Variants in MST1R observed in about 807,000 individuals in gnomAD.
MST1R encodes macrophage-stimulating protein receptor.
In MST1R, 99 loss-of-function variants were observed where a neutral mutation model predicts 117.8. The ratio of observed to expected loss-of-function variants is 0.84; its 90% CI spans 0.71 to 0.99. MST1R has a LOEUF of 0.99. Among genes scored for constraint, MST1R ranks in the 50% least tolerant of loss-of-function variants. The pLI is 0.00. For synonymous variants in MST1R, 734 were observed against 765.3 expected (o/e 0.96, Z 0.68); for missense variants, 1,683 against 1,840.2 (o/e 0.91, Z 1.56).
In MST1R at chr3:49,887,012, A is replaced by C. The variant is rs1318348966; in HGVS notation, c.*295T>G. 2.4e-5 allele frequency: 11 copies of C among 466,266 alleles called. No homozygotes were observed. The East Asian group carries it at 4.1e-4, about 17-fold the overall frequency. 28.9% of individuals were successfully genotyped at this position (466,266 alleles called of 1,614,324 possible). A position where few individuals can be genotyped will look rare whatever the true frequency, so the allele number is the denominator to read the frequency against. The stretch of plus-strand genomic sequence containing the variant: ...CACTGTTTGCTACAATTTGTGCTTT[A>C]ATAGTCATTTGTTCCTTTATTGGTT... On this transcript the variant is annotated 3_prime_UTR_variant, in exon 20 of 20. Transcript: ENST00000296474.
At chr3:49,889,407 A>C (rs1418758716) in intron 19 of MST1R, among the ~76,000 whole-genome samples, 3 of 152,178 alleles carry the variant, frequency 2.0e-5, no homozygotes, top group African/African-American at 7.2e-5. Context: ...CTAACCCAGC[A>C]GACCTAGCCA....
Position 49,895,869 on chromosome 3 carries a change from A to G in MST1R, c.2808T>C (p.Asp936=). The change falls in exon 12 of 20, where the codon GAT becomes GAC. Residue 936 remains aspartate (D), a synonymous_variant. Coordinates refer to ENST00000296474, the MANE Select transcript of MST1R (RefSeq NM_002447.4). ...QDGAPLQVCV[D]GECHILGRVV... ...CTCTACCCAGGATATGACATTCACC[A>G]TCTACGCAGACCTGGGGGCAGGTGG... The G allele has an allele frequency of 6.2e-7, 1 of 1,605,344 alleles. No individual in the cohort carries two copies. Among genetic ancestry groups the G allele is most frequent in the Non-Finnish European group, 8.5e-7 (1 of 1,175,174 alleles).
chr3:49,902,951 C>CTGTCTATCAGGCTCA lies in MST1R; in HGVS notation c.658_659insTGAGCCTGATAGACA (p.Arg220delinsLeuSerLeuIleAspSer), dbSNP rs781414002. On this transcript the variant is annotated protein_altering_variant, in exon 1 of 20. Coordinates refer to ENST00000296474, the MANE Select transcript of MST1R (RefSeq NM_002447.4). ...GAATCCCGAGGCGTCAGCCTTGAGA[C>CTGTCTATCAGGCTCA]GCCTGATAGACACTGAGCGTGGGCT... The CTGTCTATCAGGCTCA allele has an allele frequency of 4.6e-5, 75 of 1,613,324 alleles. No homozygotes were observed. Among genetic ancestry groups the CTGTCTATCAGGCTCA allele is most frequent in the South Asian group, 4.6e-4 (42 of 91,090 alleles).
At position 49,896,206 on chromosome 3, in the gene MST1R, T is replaced by C. The variant is rs747609308; in HGVS notation, c.2638A>G (p.Ile880Val). 6.2e-7 allele frequency: 1 copy of C among 1,614,096 alleles called. No homozygotes were observed. The highest frequency in any genetic ancestry group is 1.1e-5 in the South Asian group (1 of 91,078). The change falls in exon 10 of 20, where the codon ATT becomes GTT. Residue 880 changes from isoleucine (I) to valine (V), a missense_variant. Coordinates refer to ENST00000296474, the MANE Select transcript of MST1R (RefSeq NM_002447.4). ...TCCCTTACACTTACCTCAAACTTAA[T>C]GGCATGCTCCTCAGGCTTCAGTGGA... ...LVPLKPEEHA[I>V]KFEYIGLGAV...
chr3:49,887,858 G>A (rs1026336957), intron 19 of MST1R, among the ~76,000 whole-genome samples: 1 of 152,236 alleles, frequency 6.6e-6, no homozygotes, highest in African/African-American at 2.4e-5. Flanking sequence ...TGTGCCTCTG[G>A]GTCCTCCTCT....
At chr3:49,900,177 T>C (rs1575449966) in intron 1 of MST1R, among the ~76,000 whole-genome samples, 3 of 152,308 alleles carry the variant, frequency 2.0e-5, no homozygotes, top group African/African-American at 4.8e-5. Flanking sequence ...CTGCTTCCTA[T>C]ACCCCCCTTC....
At chr3:49,899,353 A>G (rs1168175382) in intron 1 of MST1R, 90 bp from the exon 2 acceptor site, 9 of 1,399,274 alleles carry the variant, frequency 6.4e-6, no homozygotes, top group African/African-American at 1.4e-5. Context: ...GCAGCCCAAC[A>G]CTCTCACCCC....
chr3:49,894,990 T>C (rs1247203845), intron 14 of MST1R, among the ~76,000 whole-genome samples, 177 bp downstream of exon 14: 1 of 152,150 alleles, frequency 6.6e-6, no homozygotes, highest in East Asian at 1.9e-4. Context: ...TTTTTGTATT[T>C]TTAGTAGAGA....
rs779691360 is a variant in MST1R, at chr3:49,903,517, G to T, written c.93C>A (p.Arg31=). 6.2e-7 allele frequency: 1 copy of T among 1,608,006 alleles called. No homozygotes were observed. The highest frequency in any genetic ancestry group is 1.1e-5 in the South Asian group (1 of 91,064). ...PAAGEDWQCP[R]TPYAASRDFD... ...AGTCGCGAGAGGCCGCGTAGGGGGT[G>T]CGCGGGCACTGCCAGTCCTCGCCCG... Residue 31 remains arginine (R), a synonymous_variant, in exon 1 of 20, where the codon CGC becomes CGA. Coordinates refer to ENST00000296474, the MANE Select transcript of MST1R (RefSeq NM_002447.4).
At position 49,896,419 on chromosome 3, in the gene MST1R, A is replaced by G. The variant is rs1476088767; in HGVS notation, c.2440-15T>C. 1.9e-6 allele frequency: 3 copies of G among 1,609,198 alleles called. No homozygotes were observed. Among genetic ancestry groups the G allele is most frequent in the Admixed American group, 1.7e-5 (1 of 59,916 alleles). ...TGCCTCTCACACTGCTGGGACCAAT[A>G]TGAGAGTGATTAGCCAGGAACCCCA... On this transcript the variant is annotated splice_polypyrimidine_tract_variant and intron_variant, in intron 9 of 19. Coordinates refer to ENST00000296474, the MANE Select transcript of MST1R (RefSeq NM_002447.4).
At chr3:49,891,967 T>TTTTA (rs778589497) in intron 14 of MST1R, 129 bp from the exon 15 acceptor site, 1 of 659,778 alleles carries the variant, frequency 1.5e-6, no homozygotes, top group Admixed American at 3.2e-5. Context: ...TATTTTTAAT[T>TTTTA]TTTATTTATT....
In MST1R at chr3:49,887,339, G is replaced by A. The variant is rs533872004; in HGVS notation, c.4171C>T (p.Arg1391Trp). 73 of 1,614,136 alleles carry A rather than the reference G, an allele frequency of 4.5e-5. No individual in the cohort carries two copies. The highest frequency in any genetic ancestry group is 2.0e-4 in the East Asian group (9 of 44,900). Residue 1391 changes from arginine (R) to tryptophan (W), a missense_variant, in exon 20 of 20, where the codon CGG (arginine) becomes TGG (tryptophan). Coordinates refer to ENST00000296474, the MANE Select transcript of MST1R (RefSeq NM_002447.4). ...SPMPGNVRRPRPLSEPPRPT is the reference protein window; with the variant it reads ...SPMPGNVRRPWPLSEPPRPT ...GGCCGAGGAGGCTCTGAGAGTGGCC[G>A]GGGCCGGCGTACATTCCCTGGCATG...
At chr3:49,900,793 A>G (rs372561074) in intron 1 of MST1R, among the ~76,000 whole-genome samples, 1 of 152,122 alleles carries the variant, frequency 6.6e-6, no homozygotes, top group South Asian at 2.1e-4. Context: ...CCTTAGCTCT[A>G]CGTTCCCAGG....
chr3:49,897,304 T>C lies in MST1R; in HGVS notation c.2159A>G (p.Asn720Ser), dbSNP rs747075614. 2.5e-6 allele frequency: 4 copies of C among 1,612,294 alleles called. No individual in the cohort carries two copies. The highest frequency in any genetic ancestry group is 3.4e-6 in the Non-Finnish European group (4 of 1,179,138). ...SVGTSRAVLV[N>S]GTECLLARVS... ...CCGTGCTAGCAGACACTCAGTCCCATTGACCAGCACAGCCCGGCTGGTGCC... is the reference window on the plus strand; with the variant it reads ...CCGTGCTAGCAGACACTCAGTCCCACTGACCAGCACAGCCCGGCTGGTGCC... The change falls in exon 7 of 20, where the codon AAT (asparagine) becomes AGT (serine). Residue 720 changes from asparagine (N) to serine (S), a missense_variant. By Grantham distance (46) the Asn-to-Ser change is conservative. Transcript: ENST00000296474.
Position 49,903,477 on chromosome 3 carries a change from CG to C in MST1R, c.132del (p.Tyr44Ter). 1.9e-6 allele frequency: 3 copies of C among 1,612,878 alleles called. No individual in the cohort carries two copies. Among genetic ancestry groups the C allele is most frequent in the Non-Finnish European group, 2.5e-6 (3 of 1,179,996 alleles). On this transcript the variant is annotated frameshift_variant, in exon 1 of 20. Coordinates refer to ENST00000296474, the MANE Select transcript of MST1R (RefSeq NM_002447.4). LOFTEE classifies it high-confidence loss of function. The stretch of plus-strand genomic sequence containing the variant: ...CCTCCGGCGGAGAAGCTGGGCACCA[CG>C]TACTTCACGTCAAAGTCGCGAGAGG... ...YAASRDFDVK[Y>X]VVPSFSAGGL...
At chr3:49,897,906 C>G (rs1056077038) in intron 5 of MST1R, 145 bp downstream of exon 5, 1 of 1,249,332 alleles carries the variant, frequency 8.0e-7, no homozygotes, top group Non-Finnish European at 1.1e-6. Flanking sequence ...GGACAGAGAC[C>G]TTTTTGACTC....
At chr3:49,890,901 T>C (rs1442598330) in intron 17 of MST1R, among the ~76,000 whole-genome samples, 5 of 152,192 alleles carry the variant, frequency 3.3e-5, no homozygotes, top group African/African-American at 1.2e-4. Flanking sequence ...AATCTTTTTG[T>C]ATTTTTAGTA....
intron 13 of MST1R, 34 bp from the exon 14 acceptor site, chr3:49,895,407 C>T (rs2082434097): frequency 2.5e-6 from 4 of 1,613,940 alleles, no homozygotes; most frequent in South Asian, 2.2e-5. Context: ...CTTGTAGGGA[C>T]AGGGGGTGGC....
chr3:49,890,123 C>CA (rs2082270909), intron 18 of MST1R, 63 bp from the exon 19 acceptor site: 1 of 1,532,600 alleles, frequency 6.5e-7, no homozygotes, highest in African/African-American at 1.4e-5. Context: ...GTGGGTCCCC[C>CA]AGGGCTTCTA....
Sources: gnomAD v4.1 joint callset for allele counts (sites outside exome capture counted in the v4.1 genomes callset) on GRCh38, gnomAD v4.1.1 for gene constraint, MANE v1.5 for transcripts, NCBI Gene and HGNC (gene_info 2026-07-23, HGNC 2026-07-21) for gene names.